DDX17: variants seen among roughly 807,000 people sequenced by gnomAD.
The protein encoded by DDX17 is probable ATP-dependent RNA helicase DDX17.
Under a neutral mutation model 80.8 loss-of-function variants are expected in DDX17, and 10 were observed. The ratio of observed to expected loss-of-function variants is 0.12; its 90% confidence interval spans 0.08 to 0.21. The LOEUF is 0.21. Ranked by LOEUF, DDX17 falls within the 10% of genes least tolerant of loss-of-function variation. The probability of loss-of-function intolerance (pLI) is 1.00; values close to 1 mark genes in which losing one functional copy is unlikely to be tolerated. For missense variants in DDX17, 586 were observed against 957.4 expected (o/e 0.61, Z 5.12); for synonymous variants, 339 against 336.2 (o/e 1.01, Z -0.09).
chr22:38,496,469 C>A (rs113930149), intron 5 of DDX17, among the ~76,000 whole-genome samples: 16 of 152,296 alleles, frequency 1.1e-4, no homozygotes, highest in African/African-American at 3.6e-4. Context: ...TGCGCCTCAG[C>A]CTCCTGAGTA....
chr22:38,505,685 C>T (rs2089873998), intron 1 of DDX17: 5 of 444,154 alleles, frequency 1.1e-5, no homozygotes, highest in Non-Finnish European at 2.0e-5. Context: ...CCCTCCCGAT[C>T]CCCCGCGGGG....
intron 1 of DDX17, among the ~76,000 whole-genome samples, chr22:38,504,503 C>A (rs2089860686): frequency 6.6e-6 from 1 of 152,164 alleles, no homozygotes; most frequent in African/African-American, 2.4e-5. Context: ...ATCTCAAGTT[C>A]TTTTTCTAAG....
rs780124429 is a variant in DDX17, at chr22:38,486,139, A to G, written c.1986T>C (p.Ala662=). 11 of 1,614,206 alleles carry G rather than the reference A, an allele frequency of 6.8e-6. No individual in the cohort carries two copies. Among genetic ancestry groups the G allele is most frequent in the Non-Finnish European group, 9.3e-6 (11 of 1,180,042 alleles). The change falls in exon 13 of 13, where the codon GCT becomes GCC. Residue 662 remains alanine (A), a synonymous_variant. Coordinates refer to ENST00000403230, the MANE Select transcript of DDX17 (RefSeq NM_006386.5). ...TTCTCCCAGTTGAGGTGGTGCTACT[A>G]GCTCCATAAGTGCCAGCACCATATT...
chr22:38,487,835 A>T (rs752854978), intron 12 of DDX17, 44 bp downstream of exon 12: 1 of 1,609,608 alleles, frequency 6.2e-7, no homozygotes, highest in Non-Finnish European at 8.5e-7. Context: ...AGGCGTAAAG[A>T]GATACCTTGG....
In DDX17 at chr22:38,489,720, T is replaced by G; in HGVS notation, c.1448-1605A>C. On this transcript the variant is annotated intron_variant, in intron 11 of 12. Coordinates refer to ENST00000403230, the MANE Select transcript of DDX17 (RefSeq NM_006386.5). This position sits in a 1 kb window ranked among gnomAD's most constrained non-coding sequence, Gnocchi z 4.6. ...AGGCTCCTCGGTCTTTACTGACCCC[T>G]AAAGTCCTGAATCACACCAGAAAGA... 1 of 985,262 alleles carries G rather than the reference T, an allele frequency of 1.0e-6. No homozygotes were observed. The highest frequency in any genetic ancestry group is 1.2e-6 in the Non-Finnish European group (1 of 829,918). 61.0% of individuals were successfully genotyped at this position (985,262 alleles called of 1,614,324 possible). A position where few individuals can be genotyped will look rare whatever the true frequency, so the allele number is the denominator to read the frequency against.
At chr22:38,491,333 C>T (rs1194269808) in intron 11 of DDX17, 2 of 151,666 alleles carry the variant, frequency 1.3e-5, no homozygotes, top group Non-Finnish European at 2.9e-5. Context: ...TACAAATAAT[C>T]TTTTTTTTTA....
chr22:38,488,543 C>G, intron 11 of DDX17: 1 of 1,000,318 alleles, frequency 1.0e-6, no homozygotes, highest in Non-Finnish European at 1.2e-6. Flanking sequence ...TTGGGAGAAG[C>G]CTGGCAAAAT....
In DDX17 at chr22:38,486,178, G is replaced by A. The variant is rs1454606898; in HGVS notation, c.1947C>T (p.Ser649=). 1.1e-5 allele frequency: 17 copies of A among 1,614,050 alleles called. No individual in the cohort carries two copies. Among genetic ancestry groups the A allele is most frequent in the Non-Finnish European group, 1.2e-5 (14 of 1,179,998 alleles). ...CAGCACCATATTCTTGAGCTGTATA[G>A]CTACTGGTGCCATAAGCAGCTGCCC... is the stretch of plus-strand genomic sequence containing the variant. Residue 649 remains serine (S), a synonymous_variant, in exon 13 of 13, where the codon AGC becomes AGT. Coordinates refer to ENST00000403230, the MANE Select transcript of DDX17 (RefSeq NM_006386.5).
chr22:38,502,885 T>C lies in DDX17; in HGVS notation c.288-1605A>G, dbSNP rs181510940. On this transcript the variant is annotated intron_variant, in intron 1 of 12. Transcript: ENST00000403230. ...TCTTATATAAAGTTCCACTTTATCA[T>C]TGATAGGCAAGTAGGTGTATTATTC... Among the ~76,000 whole-genome samples, 113 of 152,354 alleles carry C rather than the reference T, an allele frequency of 7.4e-4. 1 individual carries two copies. In the East Asian group the frequency reaches 0.014, roughly 19 times the overall value.
rs748447194 is a variant in DDX17 at position 38,494,703 on chromosome 22, T to G, written c.1141A>C (p.Asn381His). 6.2e-7 allele frequency: 1 copy of G among 1,614,220 alleles called. No individual in the cohort carries two copies. Among genetic ancestry groups the G allele is most frequent in the South Asian group, 1.1e-5 (1 of 91,084 alleles). Residue 381 changes from asparagine to histidine, a missense_variant, in exon 8 of 13, where the codon AAT becomes CAT. By Grantham distance (68) the Asn-to-His change is moderately conservative. Coordinates refer to ENST00000403230, the MANE Select transcript of DDX17 (RefSeq NM_006386.5). The stretch of plus-strand genomic sequence containing the variant: ...TTGTGGTTGGCACTCAACTCCAGAT[T>G]GCCTACGTTGATCTGGGTGTAATCA...
chr22:38,497,937 T>G, intron 5 of DDX17, 148 bp downstream of exon 5: 1 of 708,194 alleles, frequency 1.4e-6, no homozygotes, highest in Non-Finnish European at 2.3e-6. Flanking sequence ...GGGTAAGTCA[T>G]TTAATTCCAA....
intron 11 of DDX17, chr22:38,491,165 G>A (rs192833438): frequency 6.6e-6 from 1 of 152,388 alleles, no homozygotes; most frequent in Admixed American, 6.5e-5. Flanking sequence ...CTGAAGGAGG[G>A]AATGATGAGT....
chr22:38,493,791 C>T lies in DDX17; in HGVS notation c.1326-20G>A. 1 of 1,607,276 alleles carries T rather than the reference C, an allele frequency of 6.2e-7. No individual in the cohort carries two copies. Among genetic ancestry groups the T allele is most frequent in the Admixed American group, 1.7e-5 (1 of 59,236 alleles). ...GGCCAACTATCAGAAGAAAAGTGAC[C>T]AATATTTTAAAAATCTTTTAAAGTG... is the stretch of plus-strand genomic sequence containing the variant. On this transcript the variant is annotated intron_variant, in intron 9 of 12. Coordinates refer to ENST00000403230, the MANE Select transcript of DDX17 (RefSeq NM_006386.5).
intron 10 of DDX17, 103 bp from the exon 11 acceptor site, chr22:38,492,218 A>T (rs2089720274): frequency 1.4e-5 from 13 of 904,234 alleles, no homozygotes; most frequent in Non-Finnish European, 2.2e-5. Context: ...AGAAAATCCC[A>T]AGCTCTTGTA....
intron 11 of DDX17, chr22:38,491,697 G>T: frequency 5.0e-6 from 1 of 200,410 alleles, no homozygotes; most frequent in Non-Finnish European, 1.0e-5. Flanking sequence ...GCTAGGTTTC[G>T]TCAGGCTTAT....
intron 1 of DDX17, among the ~76,000 whole-genome samples, chr22:38,501,514 C>G (rs4821791): frequency 6.6e-6 from 1 of 152,112 alleles, no homozygotes; most frequent in Non-Finnish European, 1.5e-5. Context: ...TTAAAAATCC[C>G]TTTATTGAGA....
In DDX17 at chr22:38,494,872, T is replaced by C. The variant is rs945478229; in HGVS notation, c.1041+14A>G. On this transcript the variant is annotated intron_variant, in intron 7 of 12. Transcript: ENST00000403230. ...CAAATGGCATAAAGACTGCTTATTA[T>C]TAGCTTTACACACCCTGATTTGGTC... is the stretch of plus-strand genomic sequence containing the variant. 6.2e-7 allele frequency: 1 copy of C among 1,613,802 alleles called. No individual in the cohort carries two copies. Among genetic ancestry groups the C allele is most frequent in the Non-Finnish European group, 8.5e-7 (1 of 1,179,914 alleles).
chr22:38,486,492 T>C, intron 12 of DDX17, 52 bp from the exon 13 acceptor site: 1 of 1,486,446 alleles, frequency 6.7e-7, no homozygotes, highest in Non-Finnish European at 9.0e-7. Context: ...GACCTAAACA[T>C]AACAATGTAA....
At chr22:38,495,157 A>G in intron 6 of DDX17, 111 bp from the exon 7 acceptor site, 2 of 1,051,318 alleles carry the variant, frequency 1.9e-6, no homozygotes, top group East Asian at 5.2e-5. Context: ...CCAGTTCACA[A>G]CCAGCCTGGT....
Sources: gnomAD v4.1 joint callset for allele counts (sites outside exome capture counted in the v4.1 genomes callset) on GRCh38, gnomAD v4.1.1 for gene constraint, Gnocchi (gnomAD v3.1) non-coding constraint, MANE v1.5 for transcripts, NCBI Gene and HGNC (gene_info 2026-07-23, HGNC 2026-07-21) for gene names.